The following KMT2C variants were observed in gnomAD, a reference collection of about 807,000 sequenced individuals.
KMT2C encodes the protein histone-lysine N-methyltransferase 2C.
A neutral mutation model predicts 507.9 loss-of-function variants in KMT2C; 88 were observed. The observed-to-expected ratio is 0.17, with a 90% CI of 0.15 to 0.21. The LOEUF is 0.21. Ranked by LOEUF, KMT2C falls within the 10% of genes least tolerant of loss-of-function variation. The pLI is 1.00. For synonymous variants in KMT2C, 2,049 were observed against 2,080.8 expected (o/e 0.98, Z 0.42); for missense variants, 4,954 against 5,957.8 (o/e 0.83, Z 5.55).
intron 43 of KMT2C, 72 bp from the exon 44 acceptor site, chr7:152,159,144 A>G (rs1490822249): frequency 7.9e-7 from 1 of 1,258,896 alleles, no homozygotes; most frequent in Non-Finnish European, 1.2e-6. Flanking sequence ...TGCAGTGCCA[A>G]GCTATGACGC....
intron 6 of KMT2C, among the ~76,000 whole-genome samples, chr7:152,299,591 G>A (rs2096548486): frequency 6.6e-6 from 1 of 151,906 alleles, no homozygotes; most frequent in Non-Finnish European, 1.5e-5. Context: ...CAAGGCTGCA[G>A]TAAGGTATGA....
Position 152,435,860 on chromosome 7 carries a change from C to CGCCGCT in KMT2C, c.-80_-75dup. The CGCCGCT allele has an allele frequency of 7.2e-7, 1 of 1,383,314 alleles. No individual in the cohort carries two copies. Among genetic ancestry groups the CGCCGCT allele is most frequent in the African/African-American group, 1.5e-5 (1 of 64,822 alleles). The allele number at this position is 1,383,314 out of a possible 1,614,324, so 85.7% of individuals were successfully genotyped here. ...CTCCCGCCGCCGCGGCCGCCGCCGC[C>CGCCGCT]GCCGCTGCTGCTCGGGTTCCTCCTC... On this transcript the variant is annotated 5_prime_UTR_variant, in exon 1 of 59. Transcript: ENST00000262189.
chr7:152,378,272 G>A (rs2097344224), intron 1 of KMT2C, among the ~76,000 whole-genome samples: 1 of 152,166 alleles, frequency 6.6e-6, no homozygotes, highest in Non-Finnish European at 1.5e-5. Flanking sequence ...TTTCATGAAA[G>A]AAACAGGCAA....
At chr7:152,202,423 T>A (rs2094173074) in intron 26 of KMT2C, among the ~76,000 whole-genome samples, 1 of 152,216 alleles carries the variant, frequency 6.6e-6, no homozygotes, top group Non-Finnish European at 1.5e-5. Context: ...CATAATTTAT[T>A]CGTACTGAAA....
At chr7:152,346,777 T>C (rs1311297776) in intron 2 of KMT2C, among the ~76,000 whole-genome samples, 1 of 152,240 alleles carries the variant, frequency 6.6e-6, no homozygotes, top group Non-Finnish European at 1.5e-5. Context: ...TATTTCTGTG[T>C]TGTATTATAT....
At chr7:152,375,189 C>T (rs1016963478) in intron 1 of KMT2C, among the ~76,000 whole-genome samples, 3 of 152,110 alleles carry the variant, frequency 2.0e-5, no homozygotes, top group African/African-American at 4.8e-5. Flanking sequence ...ACTACAGGCA[C>T]GTGCCACCAC....
intron 2 of KMT2C, among the ~76,000 whole-genome samples, chr7:152,342,344 GAC>G (rs2097003352): frequency 6.6e-6 from 1 of 152,064 alleles, no homozygotes; most frequent in Non-Finnish European, 1.5e-5. Context: ...TTATTTATGA[GAC>G]ATATTTATAA....
intron 18 of KMT2C, among the ~76,000 whole-genome samples, chr7:152,227,627 T>C (rs2094972898): frequency 1.3e-5 from 2 of 152,322 alleles, no homozygotes; most frequent in South Asian, 4.1e-4. Context: ...GTACAATCAA[T>C]GGCCTCGCTG....
intron 7 of KMT2C, among the ~76,000 whole-genome samples, chr7:152,271,673 C>CAA (rs35698920): frequency 0.018 from 984 of 54,026 alleles, 20 homozygotes; most frequent in African/African-American, 0.053. Context: ...GACTCCATCT[C>CAA]AAAAAAAAAA....
chr7:152,334,625 C>T (rs553951593), intron 2 of KMT2C, among the ~76,000 whole-genome samples: 1 of 151,980 alleles, frequency 6.6e-6, no homozygotes, highest in Non-Finnish European at 1.5e-5. Flanking sequence ...GAAGCAACTG[C>T]GCAACCTCAT....
chr7:152,400,387 T>G (rs1212213845), intron 1 of KMT2C, among the ~76,000 whole-genome samples: 1 of 152,220 alleles, frequency 6.6e-6, no homozygotes, highest in African/African-American at 2.4e-5. Flanking sequence ...AGTATTTTGC[T>G]TATTGTAATG....
At chr7:152,169,136 T>C in intron 41 of KMT2C, 50 bp downstream of exon 41, 2 of 1,136,880 alleles carry the variant, frequency 1.8e-6, no homozygotes, top group Admixed American at 1.7e-5. Flanking sequence ...ACACATAGAG[T>C]GCAGACAAGC....
Position 152,162,274 on chromosome 7 carries a change from G to C in KMT2C, c.11303C>G (p.Ala3768Gly). The C allele has an allele frequency of 6.2e-7, 1 of 1,614,108 alleles. No individual in the cohort carries two copies. Among genetic ancestry groups the C allele is most frequent in the Non-Finnish European group, 8.5e-7 (1 of 1,179,996 alleles). Reference protein sequence around the residue: ...SPPHSAGAPAAKGDSGNELLK... With the variant: ...SPPHSAGAPAGKGDSGNELLK... ...AAGTTCATTCCCTGAGTCTCCTTTG[G>C]CAGCAGGGGCCCCAGCAGAATGGGG... The change falls in exon 43 of 59, where the codon GCC becomes GGC. Residue 3768 changes from alanine (A) to glycine (G), a missense_variant. Ala to Gly is a moderately conservative substitution (Grantham distance 60, BLOSUM62 0). Around this residue, in one of 29 missense-constraint regions of KMT2C, gnomAD observed 801 missense variants for 751.2 expected, o/e 1.07. Transcript: ENST00000262189.
chr7:152,386,223 AAGG>A, intron 1 of KMT2C, among the ~76,000 whole-genome samples: 1 of 47,478 alleles, frequency 2.1e-5, no homozygotes, highest in East Asian at 7.2e-4. Flanking sequence ...AAAAAAAAAA[AAGG>A]GACAATAGTA....
At chr7:152,410,399 A>G (rs2097668941) in intron 1 of KMT2C, among the ~76,000 whole-genome samples, 1 of 147,976 alleles carries the variant, frequency 6.8e-6, no homozygotes, top group African/African-American at 2.5e-5. Flanking sequence ...GCGACGGAGG[A>G]AGACCCTGTC....
intron 37 of KMT2C, among the ~76,000 whole-genome samples, chr7:152,179,576 TAG>T (rs1213536573): frequency 6.7e-6 from 1 of 148,168 alleles, no homozygotes; most frequent in African/African-American, 2.5e-5. Flanking sequence ...GAGAAAGAAG[TAG>T]AAAGCAGTAA....
intron 6 of KMT2C, among the ~76,000 whole-genome samples, chr7:152,290,075 CAAAA>C (rs1267669166): frequency 2.0e-5 from 3 of 147,842 alleles, no homozygotes; most frequent in East Asian, 2.0e-4. Context: ...AACAAACAAA[CAAAA>C]ACAACCGTAT....
At chr7:152,356,071 T>A (rs2129229410) in intron 2 of KMT2C, among the ~76,000 whole-genome samples, 1 of 152,162 alleles carries the variant, frequency 6.6e-6, no homozygotes, top group Non-Finnish European at 1.5e-5. Context: ...GCAGTCTTTA[T>A]CCCATTTTAC....
intron 6 of KMT2C, among the ~76,000 whole-genome samples, chr7:152,284,657 A>AT (rs1418967678): frequency 6.6e-6 from 1 of 152,178 alleles, no homozygotes; most frequent in Non-Finnish European, 1.5e-5. Flanking sequence ...TATTTATAAA[A>AT]TGCATCTCCA....
Sources: gnomAD v4.1 joint callset for allele counts (sites outside exome capture counted in the v4.1 genomes callset) on GRCh38, gnomAD v4.1.1 for gene constraint, gnomAD v4.1.1 regional missense constraint, MANE v1.5 for transcripts, NCBI Gene and HGNC (gene_info 2026-07-23, HGNC 2026-07-21) for gene names.